CCND1: variants seen among roughly 807,000 people sequenced by gnomAD.
CCND1 encodes the protein G1/S-specific cyclin-D1.
A neutral mutation model predicts 26.1 loss-of-function variants in CCND1; 9 were observed. That is an observed-to-expected ratio of 0.35 (90% CI 0.21 to 0.60). CCND1 has a LOEUF of 0.60. CCND1 is among the 20% of genes least tolerant of loss of function. CCND1 has a pLI of 0.79. For missense variants in CCND1, 335 were observed against 392.9 expected (o/e 0.85, Z 1.25); for synonymous variants, 194 against 166.1 (o/e 1.17, Z -1.29).
In CCND1 at chr11:69,654,279, TGG is replaced by T. The variant is rs1855899864; in HGVS notation, c.*2998_*2999del. 1.4e-6 allele frequency: 1 copy of T among 702,450 alleles called. No individual in the cohort carries two copies. Among genetic ancestry groups the T allele is most frequent in the Non-Finnish European group, 2.6e-6 (1 of 385,000 alleles). The allele number at this position is 702,450 out of a possible 1,614,324, so 43.5% of individuals were successfully genotyped here. A position where few individuals can be genotyped will look rare whatever the true frequency, so the allele number is the denominator to read the frequency against. On this transcript the variant is annotated 3_prime_UTR_variant, in exon 5 of 5. Coordinates refer to ENST00000227507, the MANE Select transcript of CCND1 (RefSeq NM_053056.3). This position sits in a 1 kb window ranked among gnomAD's most constrained non-coding sequence, Gnocchi z 6.3. ...TTGTGTGTATCGAGAGGCCAAAGGC[TGG>T]TGGCAAGTGCACGGGGCACAGCGGA...
At position 69,643,816 on chromosome 11, in the gene CCND1, C is replaced by T. The variant is rs2120093112; in HGVS notation, c.415-16C>T. On this transcript the variant is annotated splice_polypyrimidine_tract_variant and intron_variant, in intron 2 of 4. Transcript: ENST00000227507. ...GCCCGCACCTCCCCTGATGGCCGCTCACCCTGTGTTCGCAGCAAATGGAGC... is the reference window on the plus strand; with the variant it reads ...GCCCGCACCTCCCCTGATGGCCGCTTACCCTGTGTTCGCAGCAAATGGAGC... 6.3e-7 allele frequency: 1 copy of T among 1,596,432 alleles called. No individual in the cohort carries two copies. The highest frequency in any genetic ancestry group is 8.6e-7 in the Non-Finnish European group (1 of 1,167,998).
chr11:69,644,983 A>G (rs1228921472), intron 3 of CCND1, among the ~76,000 whole-genome samples: 2 of 152,144 alleles, frequency 1.3e-5, no homozygotes, highest in African/African-American at 2.4e-5. Flanking sequence ...GAGCCCCCCA[A>G]GCCTACTTCA....
Position 69,641,475 on chromosome 11 carries a change from G to A in CCND1, c.162G>A (p.Pro54=), listed in dbSNP as rs2120081455. ...AATGTGTGCAGAAGGAGGTCCTGCC[G>A]TCCATGCGGAAGATCGTCGCCACCT... is the stretch of plus-strand genomic sequence containing the variant. ...YFKCVQKEVL[P]SMRKIVATWM... Residue 54 remains proline, a synonymous_variant, in exon 1 of 5, where the codon CCG becomes CCA. Transcript: ENST00000227507. The A allele has an allele frequency of 6.2e-7, 1 of 1,613,342 alleles. No homozygotes were observed. Among genetic ancestry groups the A allele is most frequent in the Non-Finnish European group, 8.5e-7 (1 of 1,179,998 alleles).
chr11:69,648,406 C>T (rs973125692), intron 4 of CCND1, among the ~76,000 whole-genome samples: 1 of 152,236 alleles, frequency 6.6e-6, no homozygotes, highest in Admixed American at 6.5e-5. Context: ...CTGGGCGAAG[C>T]GTCCGGGACG....
chr11:69,645,025 C>T (rs944605929), intron 3 of CCND1, among the ~76,000 whole-genome samples: 7 of 152,186 alleles, frequency 4.6e-5, no homozygotes, highest in Admixed American at 1.3e-4. Flanking sequence ...AGCCCGCAGC[C>T]GGTATTCCAG....
chr11:69,647,078 G>A (rs1440284967), intron 3 of CCND1, among the ~76,000 whole-genome samples: 1 of 152,216 alleles, frequency 6.6e-6, no homozygotes, highest in Non-Finnish European at 1.5e-5. Context: ...CCTGGGGCCC[G>A]GCTCCCGGCC....
rs2120089638 is a variant in CCND1, at chr11:69,643,179, C to T, written c.347C>T (p.Thr116Ile). Reference sequence around the variant, plus strand: ...TTCGTGGCCTCTAAGATGAAGGAGACCATCCCCCTGACGGCCGAGAAGCTG... The same window carrying T: ...TTCGTGGCCTCTAAGATGAAGGAGATCATCCCCCTGACGGCCGAGAAGCTG... Reference protein sequence around the residue: ...CMFVASKMKETIPLTAEKLCI... With the variant: ...CMFVASKMKEIIPLTAEKLCI... The change falls in exon 2 of 5, where the codon ACC (threonine) becomes ATC (isoleucine). Residue 116 changes from threonine (T) to isoleucine (I), a missense_variant. Coordinates refer to ENST00000227507, the MANE Select transcript of CCND1 (RefSeq NM_053056.3). 6.2e-7 allele frequency: 1 copy of T among 1,608,030 alleles called. No homozygotes were observed. The highest frequency in any genetic ancestry group is 8.5e-7 in the Non-Finnish European group (1 of 1,177,558).
intron 3 of CCND1, among the ~76,000 whole-genome samples, chr11:69,646,052 C>T (rs1855774118): frequency 6.6e-6 from 1 of 152,166 alleles, no homozygotes; most frequent in African/African-American, 2.4e-5. Context: ...ACAGACAGCA[C>T]CACACACTGG....
chr11:69,643,414 T>C (rs1351101588), intron 2 of CCND1, 168 bp downstream of exon 2: 1 of 533,206 alleles, frequency 1.9e-6, no homozygotes, highest in Non-Finnish European at 3.2e-6. Flanking sequence ...GGCGGGATCC[T>C]AGCCGCCCTC....
intron 3 of CCND1, among the ~76,000 whole-genome samples, chr11:69,645,088 G>A (rs903638896): frequency 3.3e-5 from 5 of 152,066 alleles, no homozygotes; most frequent in Non-Finnish European, 7.4e-5. Flanking sequence ...ACCTGCTTGG[G>A]GCATGAACCC....
intron 3 of CCND1, 104 bp from the exon 4 acceptor site, chr11:69,647,890 G>T (rs1195841960): frequency 2.3e-5 from 32 of 1,361,986 alleles, no homozygotes; most frequent in Admixed American, 3.7e-5. Context: ...TTCCCTTCAG[G>T]CCGGGCCGCT....
chr11:69,641,435 C>T lies in CCND1; in HGVS notation c.122C>T (p.Ser41Leu), dbSNP rs749614691. 40 of 1,613,484 alleles carry T rather than the reference C, an allele frequency of 2.5e-5. No homozygotes were observed. Among genetic ancestry groups the T allele is most frequent in the Non-Finnish European group, 3.1e-5 (37 of 1,180,024 alleles). The change falls in exon 1 of 5, where the codon TCG (serine) becomes TTG (leucine). Residue 41 changes from serine (S) to leucine (L), a missense_variant. Physicochemically the swap from Ser to Leu is moderately radical, Grantham distance 145. Transcript: ENST00000227507. Reference protein sequence around the residue: ...MLKAEETCAPSVSYFKCVQKE... With the variant: ...MLKAEETCAPLVSYFKCVQKE... ...AAGGCGGAGGAGACCTGCGCGCCCT[C>T]GGTGTCCTACTTCAAATGTGTGCAG... is the stretch of plus-strand genomic sequence containing the variant.
intron 3 of CCND1, among the ~76,000 whole-genome samples, chr11:69,645,333 CACAGCCTCCCT>C (rs1855765209): frequency 6.6e-6 from 1 of 152,202 alleles, no homozygotes; most frequent in South Asian, 2.1e-4. Context: ...GTGGTTCTTG[CACAGCCTCCCT>C]ACAGGGTGGC....
chr11:69,641,238 C>T lies in CCND1; in HGVS notation c.-76C>T. On this transcript the variant is annotated 5_prime_UTR_variant, in exon 1 of 5. Coordinates refer to ENST00000227507, the MANE Select transcript of CCND1 (RefSeq NM_053056.3). ...CAGAAGAGCGCGAGGGAGCGCGGGG[C>T]AGCAGAAGCGAGAGCCGAGCGCGGA... The T allele has an allele frequency of 2.2e-6, 3 of 1,386,068 alleles. No individual in the cohort carries two copies. The highest frequency in any genetic ancestry group is 3.0e-6 in the Non-Finnish European group (3 of 988,514). The allele number at this position is 1,386,068 out of a possible 1,614,324, so 85.9% of individuals were successfully genotyped here.
At chr11:69,646,232 A>C (rs1286099291) in intron 3 of CCND1, among the ~76,000 whole-genome samples, 1 of 152,180 alleles carries the variant, frequency 6.6e-6, no homozygotes, top group African/African-American at 2.4e-5. Context: ...GTTTTCATTC[A>C]TGGCTCCCGG....
At position 69,652,108 on chromosome 11, in the gene CCND1, A is replaced by T. The variant is rs1429252063; in HGVS notation, c.*826A>T. ...ACCTGTCCCACTCCTACGATACGCT[A>T]CTATAAAGAGAAGACGAAATAGTGA... On this transcript the variant is annotated 3_prime_UTR_variant, in exon 5 of 5. Transcript: ENST00000227507. The T allele has an allele frequency of 4.3e-6, 1 of 233,398 alleles. No individual in the cohort carries two copies. Among genetic ancestry groups the T allele is most frequent in the Admixed American group, 5.6e-5 (1 of 17,770 alleles). The allele number at this position is 233,398 out of a possible 1,614,324, so 14.5% of individuals were successfully genotyped here.
chr11:69,643,313 G>C, intron 2 of CCND1, 67 bp downstream of exon 2: 1 of 1,320,696 alleles, frequency 7.6e-7, no homozygotes, highest in Non-Finnish European at 1.0e-6. Flanking sequence ...GGCCGGGGAA[G>C]GTGCAGGCGG....
chr11:69,650,963 AG>A (rs1463444584), intron 4 of CCND1, among the ~76,000 whole-genome samples, 154 bp from the exon 5 acceptor site: 2 of 152,148 alleles, frequency 1.3e-5, no homozygotes, highest in African/African-American at 4.8e-5. Flanking sequence ...CATCTCGCTC[AG>A]GTTCAGAGGA....
Position 69,654,083 on chromosome 11 carries a change from T to C in CCND1, c.*2801T>C, listed in dbSNP as rs1855894482. On this transcript the variant is annotated 3_prime_UTR_variant, in exon 5 of 5. Coordinates refer to ENST00000227507, the MANE Select transcript of CCND1 (RefSeq NM_053056.3). This position sits in a 1 kb window ranked among gnomAD's most constrained non-coding sequence, Gnocchi z 6.3. ...TGGTTGGGGCCCTGCCCTGGCAGGG[T>C]CATCCTGTGCTCGGAGGCCATCTCG... 2 of 634,106 alleles carry C rather than the reference T, an allele frequency of 3.2e-6. No homozygotes were observed. Among genetic ancestry groups the C allele is most frequent in the Non-Finnish European group, 5.7e-6 (2 of 350,224 alleles). 39.3% of individuals were successfully genotyped at this position (634,106 alleles called of 1,614,324 possible).
Sources: gnomAD v4.1 joint callset for allele counts (sites outside exome capture counted in the v4.1 genomes callset) on GRCh38, gnomAD v4.1.1 for gene constraint, Gnocchi (gnomAD v3.1) non-coding constraint, MANE v1.5 for transcripts, NCBI Gene and HGNC (gene_info 2026-07-23, HGNC 2026-07-21) for gene names.